Variants in MOSPD3 observed in about 807,000 individuals in gnomAD.
The protein encoded by MOSPD3 is motile sperm domain containing 3.
A neutral mutation model predicts 23.3 loss-of-function variants in MOSPD3; 20 were observed. The ratio of observed to expected loss-of-function variants is 0.86; its 90% confidence interval spans 0.61 to 1.25. The LOEUF is 1.25. Among genes scored for constraint, MOSPD3 ranks in the 50% most tolerant of loss-of-function variants. The pLI, the probability that MOSPD3 is intolerant of heterozygous loss-of-function variation, is 0.00. For synonymous variants in MOSPD3, 136 were observed against 135.2 expected, an observed-to-expected ratio of 1.01 and a Z score of -0.04; for missense variants, 307 against 315.7, an observed-to-expected ratio of 0.97 and a Z score of 0.21.
Position 100,613,526 on chromosome 7 carries a change from C to T in MOSPD3, c.331C>T (p.Arg111Cys), listed in dbSNP as rs200292497. Residue 111 changes from arginine (R) to cysteine (C), a missense_variant, in exon 3 of 5, where the codon CGC becomes TGC. By Grantham distance (180) the Arg-to-Cys change is radical. Transcript: ENST00000393950. ...PIPSHYDVQD[R>C]FRIELSEEGA... The stretch of plus-strand genomic sequence containing the variant: ...TCCCAGCCACTATGATGTCCAGGAC[C>T]GCTTCCGCATTGAGCTGTCTGAGGA... The T allele has an allele frequency of 9.3e-6, 15 of 1,614,066 alleles. No individual in the cohort carries two copies. The highest frequency in any genetic ancestry group is 3.3e-4 in the Middle Eastern group (2 of 6,084).
rs941640666 is a variant in MOSPD3 at position 100,612,653 on chromosome 7, C to G, written c.-139C>G. The G allele has an allele frequency of 1.6e-6, 1 of 609,474 alleles. No individual in the cohort carries two copies. Among genetic ancestry groups the G allele is most frequent in the Non-Finnish European group, 2.8e-6 (1 of 361,606 alleles). 37.8% of individuals were successfully genotyped at this position (609,474 alleles called of 1,614,324 possible). On this transcript the variant is annotated 5_prime_UTR_variant, in exon 1 of 5. Coordinates refer to ENST00000393950, the MANE Select transcript of MOSPD3 (RefSeq NM_023948.5). ...TGCGGGAGCCCCATCTAGCGGGGTT[C>G]CAAGGCGGCGGCGGCATCAGTCGAG...
chr7:100,612,465 T>G, upstream of MOSPD3: 5 of 209,784 alleles, frequency 2.4e-5, no homozygotes, highest in Non-Finnish European at 1.9e-5. Flanking sequence ...GGGCGGGGCT[T>G]ATGGAGATCG....
intron 3 of MOSPD3, among the ~76,000 whole-genome samples, chr7:100,614,499 T>C (rs999048044): frequency 6.7e-6 from 1 of 149,106 alleles, no homozygotes; most frequent in African/African-American, 2.5e-5. Context: ...CAGGGTGTGG[T>C]GACTCACACC....
Position 100,614,955 on chromosome 7 carries a change from G to A in MOSPD3, c.600G>A (p.Pro200=), listed in dbSNP as rs763892984. ...TGGCCTTCCTGCTGCTCCCACTCCCGGACGAACTCGGCAGCCAGCTGCCTC... is the reference window on the plus strand; with the variant it reads ...TGGCCTTCCTGCTGCTCCCACTCCCAGACGAACTCGGCAGCCAGCTGCCTC... ...VSVAFLLLPL[P]DELGSQLPQV... is the part of the protein sequence containing the mutation. The change falls in exon 4 of 5, where the codon CCG becomes CCA. Residue 200 remains proline (P), a synonymous_variant. Transcript: ENST00000393950. The A allele has an allele frequency of 7.4e-6, 12 of 1,613,864 alleles. No homozygotes were observed. The Admixed American group carries it at 1.2e-4, about 16-fold the overall frequency.
chr7:100,614,724 C>T (rs545163164), intron 3 of MOSPD3, 143 bp from the exon 4 acceptor site: 12 of 947,026 alleles, frequency 1.3e-5, no homozygotes, highest in South Asian at 3.7e-5. Flanking sequence ...GCCTGGACAA[C>T]GTAGTGAGAC....
chr7:100,613,815 C>A, intron 3 of MOSPD3, 109 bp downstream of exon 3: 1 of 979,154 alleles, frequency 1.0e-6, no homozygotes, highest in Non-Finnish European at 1.5e-6. Flanking sequence ...AGTCTTTTGT[C>A]TTTTGGTGGA....
rs1221201406 is a variant in MOSPD3, at chr7:100,615,324, C to T, written c.*141C>T. The T allele has an allele frequency of 4.3e-6, 3 of 690,190 alleles. No homozygotes were observed. The highest frequency in any genetic ancestry group is 3.6e-5 in the African/African-American group (2 of 55,298). The allele number at this position is 690,190 out of a possible 1,614,324, so 42.8% of individuals were successfully genotyped here. A position where few individuals can be genotyped will look rare whatever the true frequency, so the allele number is the denominator to read the frequency against. Reference sequence around the variant, plus strand: ...CCACTCCTCCCTGACAAAAAACACCCAGGGATTTGTACTCATTTTCCAAGT... The same window carrying T: ...CCACTCCTCCCTGACAAAAAACACCTAGGGATTTGTACTCATTTTCCAAGT... On this transcript the variant is annotated 3_prime_UTR_variant, in exon 5 of 5. Transcript: ENST00000393950.
In MOSPD3 at chr7:100,613,630, G is replaced by A. The variant is rs754838660; in HGVS notation, c.435G>A (p.Gln145=). ...CCCCAGCGTACCCCCTTGAGCTTCA[G>A]GGACAGCCAGATCCAGCGCCTCGCC... ...LRAPAYPLEL[Q]GQPDPAPRPG... The change falls in exon 3 of 5, where the codon CAG becomes CAA. Residue 145 remains glutamine, a synonymous_variant. Transcript: ENST00000393950. The A allele has an allele frequency of 6.2e-7, 1 of 1,614,146 alleles. No homozygotes were observed. The highest frequency in any genetic ancestry group is 1.7e-5 in the Admixed American group (1 of 60,008).
chr7:100,613,310 G>T (rs778970694), intron 2 of MOSPD3, 41 bp downstream of exon 2: 2 of 1,586,558 alleles, frequency 1.3e-6, no homozygotes, highest in Non-Finnish European at 1.7e-6. Flanking sequence ...TGGAAGCCAG[G>T]GGTCGCTGCC....
intron 3 of MOSPD3, among the ~76,000 whole-genome samples, chr7:100,614,630 C>T (rs951310927): frequency 1.6e-4 from 24 of 151,890 alleles, no homozygotes; most frequent in Admixed American, 1.0e-3. Context: ...AAAAATTAGC[C>T]GGGCATGGTA....
intron 3 of MOSPD3, 162 bp downstream of exon 3, chr7:100,613,868 A>G: frequency 4.4e-6 from 3 of 681,316 alleles, no homozygotes; most frequent in Non-Finnish European, 7.3e-6. Flanking sequence ...TGAGGGGGAA[A>G]AGACTTACAG....
chr7:100,613,633 A>T lies in MOSPD3; in HGVS notation c.438A>T (p.Gly146=). The T allele has an allele frequency of 6.2e-7, 1 of 1,614,136 alleles. No individual in the cohort carries two copies. The highest frequency in any genetic ancestry group is 1.1e-5 in the South Asian group (1 of 91,086). ...RAPAYPLELQ[G]QPDPAPRPGP... is the part of the protein sequence containing the mutation. Reference sequence around the variant, plus strand: ...CAGCGTACCCCCTTGAGCTTCAGGGACAGCCAGATCCAGCGCCTCGCCCAG... The same window carrying T: ...CAGCGTACCCCCTTGAGCTTCAGGGTCAGCCAGATCCAGCGCCTCGCCCAG... Residue 146 remains glycine, a synonymous_variant, in exon 3 of 5, where the codon GGA becomes GGT. Coordinates refer to ENST00000393950, the MANE Select transcript of MOSPD3 (RefSeq NM_023948.5).
intron 4 of MOSPD3, 55 bp from the exon 5 acceptor site, chr7:100,615,097 A>T: frequency 3.1e-6 from 5 of 1,614,150 alleles, no homozygotes; most frequent in Non-Finnish European, 4.2e-6. Context: ...GAGGAGAGCT[A>T]ACAGAGCCCC....
At chr7:100,613,097 G>A in intron 1 of MOSPD3, 97 bp from the exon 2 acceptor site, 1 of 1,580,034 alleles carries the variant, frequency 6.3e-7, no homozygotes, top group Non-Finnish European at 8.7e-7. Flanking sequence ...AGCTTTGGTG[G>A]ACTGGGAAAG....
intron 1 of MOSPD3, 30 bp from the exon 2 acceptor site, chr7:100,613,164 G>T (rs766771517): frequency 1.2e-6 from 2 of 1,611,942 alleles, no homozygotes; most frequent in Non-Finnish European, 1.7e-6. Flanking sequence ...CACATGGCAG[G>T]GCTTGTCTGT....
Position 100,613,223 on chromosome 7 carries a change from G to A in MOSPD3, c.235G>A (p.Val79Met). 1 of 1,614,092 alleles carries A rather than the reference G, an allele frequency of 6.2e-7. No individual in the cohort carries two copies. Among genetic ancestry groups the A allele is most frequent in the Non-Finnish European group, 8.5e-7 (1 of 1,180,014 alleles). Reference protein sequence around the residue: ...VLCTAPAKYTVFDAEGYVKPQ... With the variant: ...VLCTAPAKYTMFDAEGYVKPQ... ...GTGCACAGCACCTGCCAAATACACGGTGTTTGACGCAGAGGGATATGTGAA... is the reference window on the plus strand; with the variant it reads ...GTGCACAGCACCTGCCAAATACACGATGTTTGACGCAGAGGGATATGTGAA... The change falls in exon 2 of 5, where the codon GTG becomes ATG. Residue 79 changes from valine (V) to methionine (M), a missense_variant. By Grantham distance (21) the Val-to-Met change is conservative. Transcript: ENST00000393950.
At chr7:100,614,582 A>G (rs1802937687) in intron 3 of MOSPD3, among the ~76,000 whole-genome samples, 1 of 152,114 alleles carries the variant, frequency 6.6e-6, no homozygotes, top group Non-Finnish European at 1.5e-5. Flanking sequence ...GTTCAAGATC[A>G]GCTTGGACAA....
chr7:100,612,381 TGCAGCGGGCG>T (rs1217034451), upstream of MOSPD3: 5 of 154,528 alleles, frequency 3.2e-5, no homozygotes, highest in Non-Finnish European at 7.2e-5. Context: ...AGGCGCCCGC[TGCAGCGGGCG>T]GAGTCTGGCT....
At chr7:100,614,787 T>G in intron 3 of MOSPD3, 80 bp from the exon 4 acceptor site, 1 of 1,444,884 alleles carries the variant, frequency 6.9e-7, no homozygotes, top group Non-Finnish European at 9.3e-7. Context: ...AGATACATCT[T>G]CCTTGTTCAG....
Sources: gnomAD v4.1 joint callset for allele counts (sites outside exome capture counted in the v4.1 genomes callset) on GRCh38, gnomAD v4.1.1 for gene constraint, MANE v1.5 for transcripts, NCBI Gene and HGNC (gene_info 2026-07-23, HGNC 2026-07-21) for gene names.